MYO18B: variants seen among roughly 807,000 people sequenced by gnomAD.
MYO18B encodes the protein unconventional myosin-XVIIIb.
A neutral mutation model predicts 273.0 loss-of-function variants in MYO18B; 204 were observed. That is an observed-to-expected ratio of 0.75 (90% CI 0.67 to 0.84). The LOEUF is 0.84. Ranked by LOEUF, MYO18B falls within the 40% of genes least tolerant of loss-of-function variation. The pLI, the probability that MYO18B is intolerant of heterozygous loss-of-function variation, is 0.00. For synonymous variants in MYO18B, 1,330 were observed against 1,305.7 expected (o/e 1.02, Z -0.40); for missense variants, 3,212 against 3,287.6 (o/e 0.98, Z 0.56).
chr22:25,859,125 T>C (rs1468068040), intron 21 of MYO18B, among the ~76,000 whole-genome samples: 15 of 152,212 alleles, frequency 9.9e-5, no homozygotes, highest in Admixed American at 9.8e-4. Flanking sequence ...GTTGTAAAAA[T>C]AGTAATTTTA....
At chr22:25,997,976 C>CGAGAGAGAGAGAGAG (rs1381007559) in intron 40 of MYO18B, among the ~76,000 whole-genome samples, 2 of 121,174 alleles carry the variant, frequency 1.7e-5, no homozygotes, top group African/African-American at 6.2e-5. Context: ...CACACACACA[C>CGAGAGAGAGAGAGAG]ACGAGAGAGA....
At chr22:25,867,293 GTC>G (rs1466313741) in intron 21 of MYO18B, among the ~76,000 whole-genome samples, 1 of 152,044 alleles carries the variant, frequency 6.6e-6, no homozygotes, top group Non-Finnish European at 1.5e-5. Flanking sequence ...ATTTCCCCCT[GTC>G]TCCAACCCCT....
chr22:25,783,686 C>T (rs946525883), intron 10 of MYO18B, among the ~76,000 whole-genome samples: 27 of 152,200 alleles, frequency 1.8e-4, no homozygotes, highest in Non-Finnish European at 8.8e-5. Flanking sequence ...GGATGCCAGA[C>T]GTTCATTCCA....
chr22:25,997,978 C>CACACACACACGAGAGA (rs34431605), intron 40 of MYO18B, among the ~76,000 whole-genome samples: 16 of 144,638 alleles, frequency 1.1e-4, no homozygotes, highest in African/African-American at 4.2e-4. Context: ...CACACACACA[C>CACACACACACGAGAGA]GAGAGAGAGA....
At chr22:25,855,205 G>C (rs998231394) in intron 21 of MYO18B, among the ~76,000 whole-genome samples, 4 of 151,194 alleles carry the variant, frequency 2.6e-5, no homozygotes, top group African/African-American at 9.7e-5. Flanking sequence ...GTGGTATTTG[G>C]TTTTCTGTTC....
At chr22:25,927,740 C>T (rs953130100) in intron 34 of MYO18B, among the ~76,000 whole-genome samples, 6 of 152,282 alleles carry the variant, frequency 3.9e-5, no homozygotes, top group East Asian at 3.9e-4. Context: ...CGGAACCTAC[C>T]GACGTGTGAT....
In MYO18B at chr22:25,828,785, C is replaced by T; in HGVS notation, c.2796C>T (p.Ser932=). The change falls in exon 15 of 44, where the codon TCC becomes TCT. Residue 932 remains serine, a synonymous_variant. Coordinates refer to ENST00000335473, the MANE Select transcript of MYO18B (RefSeq NM_032608.7). The part of the protein sequence containing the change: ...AVVSLINRSF[S]SHHLSMASIM... Reference sequence around the variant, plus strand: ...TCTCTTCTCTCCCTAGATCCTTTTCCTCCCACCATCTCTCCATGGCCTCCA... The same window carrying T: ...TCTCTTCTCTCCCTAGATCCTTTTCTTCCCACCATCTCTCCATGGCCTCCA... The T allele has an allele frequency of 6.2e-7, 1 of 1,613,460 alleles. No individual in the cohort carries two copies. Among genetic ancestry groups the T allele is most frequent in the Non-Finnish European group, 8.5e-7 (1 of 1,179,740 alleles).
intron 7 of MYO18B, among the ~76,000 whole-genome samples, chr22:25,773,410 G>A (rs1440122150): frequency 6.6e-6 from 1 of 152,114 alleles, no homozygotes; most frequent in Non-Finnish European, 1.5e-5. Context: ...TCAGTTCTCA[G>A]GGTGATGATT....
chr22:25,965,422 C>T (rs1202816412), intron 39 of MYO18B, among the ~76,000 whole-genome samples: 1 of 152,118 alleles, frequency 6.6e-6, no homozygotes, highest in African/African-American at 2.4e-5. Flanking sequence ...CTTTACCAGA[C>T]CACCAGGAAA....
intron 39 of MYO18B, among the ~76,000 whole-genome samples, chr22:25,972,441 G>A (rs191902223): frequency 5.3e-5 from 8 of 152,254 alleles, no homozygotes; most frequent in African/African-American, 1.9e-4. Flanking sequence ...CTTCAATTTC[G>A]TGTGACTTAT....
intron 22 of MYO18B, among the ~76,000 whole-genome samples, chr22:25,872,006 T>C (rs1275584805): frequency 6.6e-6 from 1 of 152,096 alleles, no homozygotes; most frequent in Admixed American, 6.5e-5. Context: ...CTTTTGGGAC[T>C]CACTAGCTTG....
chr22:26,060,670 C>T, the MYO18B span, among the ~76,000 whole-genome samples: 1 of 152,152 alleles, frequency 6.6e-6, no homozygotes, highest in African/African-American at 2.4e-5. Flanking sequence ...TACATACGCA[C>T]ACATGCACAC....
chr22:25,952,666 C>CA (rs1316956376), intron 38 of MYO18B, among the ~76,000 whole-genome samples: 1 of 152,114 alleles, frequency 6.6e-6, no homozygotes, highest in Non-Finnish European at 1.5e-5. Flanking sequence ...ATCATGGGTC[C>CA]ATTCATCCAT....
At chr22:25,936,468 A>G (rs932452099) in intron 34 of MYO18B, among the ~76,000 whole-genome samples, 2 of 152,348 alleles carry the variant, frequency 1.3e-5, no homozygotes, top group Non-Finnish European at 2.9e-5. Flanking sequence ...TGGACTTAAA[A>G]GAGACCTCGG....
rs79959237 is a variant in MYO18B at position 25,960,374 on chromosome 22, A to G, written c.6156+5010A>G. 4.7e-3 allele frequency among the ~76,000 whole-genome samples: 719 copies of G among 152,262 alleles called. 8 individuals are homozygous for G. Among genetic ancestry groups the G allele is most frequent in the South Asian group, 0.021 (102 of 4,814 alleles). ...TGGGTAATCAAGGGGTGCCTGAGGA[A>G]GCTGGAAGTCCTGATGCTGACGGGA... On this transcript the variant is annotated intron_variant, in intron 39 of 43. Coordinates refer to ENST00000335473, the MANE Select transcript of MYO18B (RefSeq NM_032608.7).
chr22:26,023,760 T>C lies in MYO18B; in HGVS notation c.6471-2685T>C, dbSNP rs541706697. On this transcript the variant is annotated intron_variant, in intron 42 of 43. Transcript: ENST00000335473. ...GGCCAGGACAGGATGGAAATGACTT[T>C]TGTCAGTTCTGCGGCAGCCCACTGC... Among the ~76,000 whole-genome samples, 18 of 152,294 alleles carry C rather than the reference T, an allele frequency of 1.2e-4. No homozygotes were observed. The South Asian group carries it at 3.7e-3, about 32-fold the overall frequency.
intron 29 of MYO18B, chr22:25,898,690 G>T: frequency 2.0e-6 from 1 of 495,536 alleles, no homozygotes. Context: ...AATTGATCTT[G>T]TGACCTTGGG....
In MYO18B at chr22:25,883,494, C is replaced by G. The variant is rs1168228677; in HGVS notation, c.4314+5446C>G. The G allele has an allele frequency of 3.9e-5, 6 of 152,178 alleles. No homozygotes were observed. The highest frequency in any genetic ancestry group is 2.0e-4 in the Admixed American group (3 of 15,278). 9.4% of individuals were successfully genotyped at this position (152,178 alleles called of 1,614,324 possible). ...TTGGGGAGGCTGTATTTCTAACATG[C>G]TAGAGTGCTAAAGGTGCCTGTCCTG... On this transcript the variant is annotated intron_variant, in intron 25 of 43. Transcript: ENST00000335473. The surrounding 1 kb of genome is among the most constrained non-coding windows in gnomAD (Gnocchi z 7.6).
chr22:25,801,917 C>T (rs2088213822), intron 12 of MYO18B, among the ~76,000 whole-genome samples: 1 of 152,178 alleles, frequency 6.6e-6, no homozygotes. Flanking sequence ...GCCCTGAGAC[C>T]AGCCTCTGGG....
Sources: allele counts gnomAD v4.1 joint callset (sites outside exome capture counted in the v4.1 genomes callset), GRCh38; gene constraint gnomAD v4.1.1; non-coding constraint Gnocchi (gnomAD v3.1); transcripts MANE v1.5; gene names NCBI Gene and HGNC (gene_info 2026-07-23, HGNC 2026-07-21).